ZNF317: variants seen among roughly 807,000 people sequenced by gnomAD.
The protein encoded by ZNF317 is zinc finger protein 317, also known as KRAB-containing zinc finger protein 317.
In ZNF317, 17 loss-of-function variants were observed where a neutral mutation model predicts 23.4. The observed-to-expected ratio is 0.73, with a 90% CI of 0.50 to 1.09. ZNF317 has a LOEUF of 1.09. Among genes scored for constraint, ZNF317 ranks in the 50% least tolerant of loss-of-function variants. The probability of loss-of-function intolerance (pLI) is 0.00; values close to 1 mark genes in which losing one functional copy is unlikely to be tolerated. For synonymous variants in ZNF317, 317 were observed against 314.9 expected, an observed-to-expected ratio of 1.01 and a Z score of -0.07; for missense variants, 679 against 796.7, an observed-to-expected ratio of 0.85 and a Z score of 1.78.
intron 1 of ZNF317, among the ~76,000 whole-genome samples, chr19:9,152,051 C>T (rs1443656059): frequency 6.6e-6 from 1 of 151,968 alleles, no homozygotes; most frequent in African/African-American, 2.4e-5. Context: ...GGACTACAGG[C>T]ACTCATCACC....
At chr19:9,151,344 ATAT>A (rs774269152) in intron 1 of ZNF317, among the ~76,000 whole-genome samples, 3 of 152,228 alleles carry the variant, frequency 2.0e-5, no homozygotes, top group Non-Finnish European at 4.4e-5. Context: ...CACACTTCCT[ATAT>A]TATTGTTTTG....
rs756486645 is a variant in ZNF317, at chr19:9,160,732, G to A, written c.1087G>A (p.Ala363Thr). 27 of 1,613,996 alleles carry A rather than the reference G, an allele frequency of 1.7e-5. No individual in the cohort carries two copies. In the Middle Eastern group the frequency reaches 4.9e-4, roughly 29 times the overall value. Reference protein sequence around the residue: ...VRNHTGEKPYACTQCGKAFRW... With the variant: ...VRNHTGEKPYTCTQCGKAFRW... Reference sequence around the variant, plus strand: ...GAATCACACGGGGGAGAAGCCCTACGCGTGCACGCAGTGCGGCAAAGCCTT... The same window carrying A: ...GAATCACACGGGGGAGAAGCCCTACACGTGCACGCAGTGCGGCAAAGCCTT... Residue 363 changes from alanine (A) to threonine (T), a missense_variant, in exon 7 of 7, where the codon GCG (alanine) becomes ACG (threonine). Physicochemically the swap from Ala to Thr is moderately conservative, Grantham distance 58. Transcript: ENST00000247956. The surrounding 1 kb of genome is among the most constrained non-coding windows in gnomAD (Gnocchi z 6.8).
At chr19:9,153,526 C>G (rs1020047476) in intron 1 of ZNF317, among the ~76,000 whole-genome samples, 1 of 152,136 alleles carries the variant, frequency 6.6e-6, no homozygotes, top group Non-Finnish European at 1.5e-5. Flanking sequence ...AATAAGATCT[C>G]GAGTTCCTAC....
chr19:9,142,606 C>T (rs2050643885), intron 1 of ZNF317, among the ~76,000 whole-genome samples: 1 of 143,440 alleles, frequency 7.0e-6, no homozygotes, highest in South Asian at 2.1e-4. Context: ...CTGTTTGATA[C>T]AAAATCTATA....
chr19:9,147,473 T>C (rs2030023355), intron 1 of ZNF317, among the ~76,000 whole-genome samples: 1 of 151,844 alleles, frequency 6.6e-6, no homozygotes, highest in Non-Finnish European at 1.5e-5. Flanking sequence ...CCTGAGTAGC[T>C]GGGACTACAG....
At chr19:9,150,152 AT>A (rs1367075696) in intron 1 of ZNF317, among the ~76,000 whole-genome samples, 3 of 152,038 alleles carry the variant, frequency 2.0e-5, no homozygotes, top group Non-Finnish European at 4.4e-5. Context: ...TGCAGTAGGG[AT>A]ACTAAGTAGC....
intron 5 of ZNF317, 76 bp downstream of exon 5, chr19:9,158,151 A>T (rs942423151): frequency 2.1e-6 from 3 of 1,457,968 alleles, no homozygotes; most frequent in East Asian, 2.6e-5. Context: ...GAGGTAGGTT[A>T]GGGAGTGTCA....
chr19:9,143,866 C>G (rs1237154611), intron 1 of ZNF317, among the ~76,000 whole-genome samples: 1 of 147,964 alleles, frequency 6.8e-6, no homozygotes, highest in African/African-American at 2.5e-5. Context: ...TCATTTTTCT[C>G]TATGAGCCTT....
At chr19:9,140,979 A>G (rs2050624079) in intron 1 of ZNF317, among the ~76,000 whole-genome samples, 1 of 152,180 alleles carries the variant, frequency 6.6e-6, no homozygotes, top group Non-Finnish European at 1.5e-5. Flanking sequence ...CGTGAATGTC[A>G]GCACATTGGT....
rs970144862 is a variant in ZNF317, at chr19:9,161,176, T to C, written c.1531T>C (p.Phe511Leu). The C allele has an allele frequency of 1.4e-5, 23 of 1,613,978 alleles. No individual in the cohort carries two copies. The Admixed American group carries it at 3.8e-4, about 27-fold the overall frequency. The change falls in exon 7 of 7, where the codon TTC becomes CTC. Residue 511 changes from phenylalanine to leucine, a missense_variant. Physicochemically the swap from Phe to Leu is conservative, Grantham distance 22. Transcript: ENST00000247956. This position sits in a 1 kb window ranked among gnomAD's most constrained non-coding sequence, Gnocchi z 4.0. The part of the protein sequence containing the change: ...RVECRQCGKA[F>L]RNQSTLKTHM... Reference sequence around the variant, plus strand: ...TGAGTGTAGGCAGTGTGGCAAGGCCTTCAGGAACCAGTCAACGCTGAAGAC... The same window carrying C: ...TGAGTGTAGGCAGTGTGGCAAGGCCCTCAGGAACCAGTCAACGCTGAAGAC...
rs754674233 is a variant in ZNF317, at chr19:9,140,445, T to C, written c.-240T>C. The C allele has an allele frequency of 7.3e-5, 33 of 452,676 alleles. No homozygotes were observed. The highest frequency in any genetic ancestry group is 5.0e-4 in the South Asian group (32 of 64,042). 28.0% of individuals were successfully genotyped at this position (452,676 alleles called of 1,614,324 possible). A position where few individuals can be genotyped will look rare whatever the true frequency, so the allele number is the denominator to read the frequency against. On this transcript the variant is annotated 5_prime_UTR_variant, in exon 1 of 7. The change abolishes an upstream ATG in the 5' untranslated region. Coordinates refer to ENST00000247956, the MANE Select transcript of ZNF317 (RefSeq NM_020933.5). Reference sequence around the variant, plus strand: ...CTGGAGTCGATTGCCCCGAGACACATGGGCCAAGGAGGGGTCAGCGGCGAA... The same window carrying C: ...CTGGAGTCGATTGCCCCGAGACACACGGGCCAAGGAGGGGTCAGCGGCGAA...
intron 1 of ZNF317, 94 bp from the exon 2 acceptor site, chr19:9,155,831 G>C (rs1428328227): frequency 1.5e-6 from 1 of 664,594 alleles, no homozygotes; most frequent in East Asian, 2.8e-5. Flanking sequence ...GCTCAAAAGA[G>C]GAAATGCCAA....
intron 5 of ZNF317, among the ~76,000 whole-genome samples, chr19:9,158,506 A>G (rs1404736447): frequency 6.7e-6 from 1 of 149,784 alleles, no homozygotes; most frequent in Non-Finnish European, 1.5e-5. Context: ...TGCCTACCTA[A>G]TTTTAGTATT....
At chr19:9,146,267 C>G (rs559995246) in intron 1 of ZNF317, among the ~76,000 whole-genome samples, 1 of 151,882 alleles carries the variant, frequency 6.6e-6, no homozygotes, top group African/African-American at 2.4e-5. Flanking sequence ...CTCCCCACCC[C>G]CTGGGACATC....
At chr19:9,145,174 C>T (rs2050671995) in intron 1 of ZNF317, among the ~76,000 whole-genome samples, 1 of 152,130 alleles carries the variant, frequency 6.6e-6, no homozygotes, top group Non-Finnish European at 1.5e-5. Flanking sequence ...CCTACTGAGT[C>T]GCTGGGATTA....
rs1241202083 is a variant in ZNF317 at position 9,162,442 on chromosome 19, T to C, written c.*1009T>C. 1.3e-5 allele frequency: 2 copies of C among 152,066 alleles called. No homozygotes were observed. Among genetic ancestry groups the C allele is most frequent in the Non-Finnish European group, 2.9e-5 (2 of 68,006 alleles). 9.4% of individuals were successfully genotyped at this position (152,066 alleles called of 1,614,324 possible). A position where few individuals can be genotyped will look rare whatever the true frequency, so the allele number is the denominator to read the frequency against. On this transcript the variant is annotated 3_prime_UTR_variant, in exon 7 of 7. Transcript: ENST00000247956. ...AAATACAATTAGTGCTGATAATTCC[T>C]ATGTGGAAATGATTCCAGCCATGGT...
At chr19:9,142,249 A>T (rs907581322) in intron 1 of ZNF317, among the ~76,000 whole-genome samples, 1 of 152,232 alleles carries the variant, frequency 6.6e-6, no homozygotes. Context: ...GAAAATGTGT[A>T]CAATTCAAAA....
chr19:9,144,475 T>C (rs2050665655), intron 1 of ZNF317, among the ~76,000 whole-genome samples: 1 of 141,344 alleles, frequency 7.1e-6, no homozygotes, highest in African/African-American at 2.8e-5. Flanking sequence ...CTTTTGTGTA[T>C]TTTTGTCATT....
chr19:9,157,239 G>T, intron 3 of ZNF317, 29 bp from the exon 4 acceptor site: 1 of 1,610,740 alleles, frequency 6.2e-7, no homozygotes, highest in Non-Finnish European at 8.5e-7. Flanking sequence ...CTGGTTCCTC[G>T]CTGACCCCAA....
Sources: allele counts gnomAD v4.1 joint callset (sites outside exome capture counted in the v4.1 genomes callset), GRCh38; gene constraint gnomAD v4.1.1; non-coding constraint Gnocchi (gnomAD v3.1); transcripts MANE v1.5; gene names NCBI Gene and HGNC (gene_info 2026-07-23, HGNC 2026-07-21).